The following AGXT2 variants were observed in gnomAD, a reference collection of about 807,000 sequenced individuals.
The protein encoded by AGXT2 is alanine--glyoxylate aminotransferase 2.
Under a neutral mutation model 62.5 loss-of-function variants are expected in AGXT2, and 61 were observed. The observed-to-expected ratio is 0.98, with a 90% confidence interval of 0.79 to 1.21. The LOEUF (loss-of-function observed/expected upper bound fraction) is 1.21, where lower values mean the gene tolerates loss of function less well. Among genes scored for constraint, AGXT2 ranks in the 50% most tolerant of loss-of-function variants. AGXT2 has a pLI of 0.00. For missense variants in AGXT2, 666 were observed against 641.5 expected, an observed-to-expected ratio of 1.04 and a Z score of -0.41; for synonymous variants, 243 against 218.7, an observed-to-expected ratio of 1.11 and a Z score of -0.98.
At chr5:35,047,766 G>T in intron 1 of AGXT2, 39 bp downstream of exon 1, 1 of 1,611,444 alleles carries the variant, frequency 6.2e-7, no homozygotes, top group African/African-American at 1.3e-5. Flanking sequence ...CCCTCTCGCT[G>T]ATCCTCTACT....
chr5:35,017,944 G>A (rs1178170494), intron 9 of AGXT2, among the ~76,000 whole-genome samples: 1 of 152,192 alleles, frequency 6.6e-6, no homozygotes, highest in African/African-American at 2.4e-5. Flanking sequence ...CTCCGGAGCT[G>A]ATGAGATCAA....
chr5:35,000,207 T>C (rs9292570), intron 13 of AGXT2, among the ~76,000 whole-genome samples: 69,061 of 151,484 alleles, frequency 0.46, 15,916 homozygotes, highest in East Asian at 0.59. Flanking sequence ...CCAGCCCTCA[T>C]TCTCTCTGGC....
At chr5:35,042,119 C>T (rs1174506505) in intron 1 of AGXT2, among the ~76,000 whole-genome samples, 5 of 152,064 alleles carry the variant, frequency 3.3e-5, no homozygotes, top group African/African-American at 7.3e-5. Flanking sequence ...TGGAGTTGCC[C>T]ATTGAGGAGG....
intron 11 of AGXT2, among the ~76,000 whole-genome samples, chr5:35,011,345 AG>A (rs1766629635): frequency 6.6e-6 from 1 of 152,036 alleles, no homozygotes; most frequent in Admixed American, 6.6e-5. Flanking sequence ...CTATAATCCC[AG>A]CTACTTGGGA....
Position 35,039,401 on chromosome 5 carries a change from C to A in AGXT2, c.285G>T (p.Trp95Cys), listed in dbSNP as rs758171976. Residue 95 changes from tryptophan to cysteine, a missense_variant, in exon 3 of 14, where the codon TGG (tryptophan) becomes TGT (cysteine). Physicochemically the swap from Trp to Cys is radical, Grantham distance 215. Coordinates refer to ENST00000231420, the MANE Select transcript of AGXT2 (RefSeq NM_031900.4). ...PLLLHQGHME[W>C]LFDAEGSRYL... ...ATCTGCTTCCTTCAGCATCAAAGAG[C>A]CACTCCATGTGCCCCTGGTGGAGCA... 1.2e-6 allele frequency: 2 copies of A among 1,614,158 alleles called. No individual in the cohort carries two copies. Among genetic ancestry groups the A allele is most frequent in the Non-Finnish European group, 1.7e-6 (2 of 1,179,978 alleles).
At chr5:35,038,367 G>A (rs1328302606) in intron 3 of AGXT2, among the ~76,000 whole-genome samples, 1 of 152,238 alleles carries the variant, frequency 6.6e-6, no homozygotes, top group African/African-American at 2.4e-5. Context: ...GATTCAGTGA[G>A]AATGTTTGAA....
intron 3 of AGXT2, among the ~76,000 whole-genome samples, 187 bp downstream of exon 3, chr5:35,039,137 T>C (rs1767886493): frequency 6.6e-6 from 1 of 152,120 alleles, no homozygotes; most frequent in African/African-American, 2.4e-5. Context: ...AATCTTGCAT[T>C]GTCAAGAAAG....
intron 7 of AGXT2, among the ~76,000 whole-genome samples, chr5:35,028,596 AG>A (rs775114949): frequency 0.077 from 10,166 of 131,438 alleles, 1,208 homozygotes; most frequent in African/African-American, 0.19. Flanking sequence ...AGAGAGAGAG[AG>A]AGAGAGAGAG....
At chr5:35,013,642 C>T (rs1973391) in intron 10 of AGXT2, among the ~76,000 whole-genome samples, 45,223 of 152,038 alleles carry the variant, frequency 0.3, 7,435 homozygotes, top group Non-Finnish European at 0.37. Flanking sequence ...ATTAGCTGGG[C>T]GTGGTGGTGC....
chr5:35,004,336 G>T (rs1766343817), intron 12 of AGXT2, among the ~76,000 whole-genome samples: 1 of 152,194 alleles, frequency 6.6e-6, no homozygotes. Context: ...AGCGCAGTGG[G>T]ACAGCTGAGG....
At chr5:35,047,207 A>G (rs1256214735) in intron 1 of AGXT2, among the ~76,000 whole-genome samples, 1 of 152,226 alleles carries the variant, frequency 6.6e-6, no homozygotes, top group East Asian at 1.9e-4. Context: ...GAAAGACTGA[A>G]GTGAGAGGAT....
At chr5:35,022,274 G>A (rs1249883142) in intron 9 of AGXT2, among the ~76,000 whole-genome samples, 3 of 152,018 alleles carry the variant, frequency 2.0e-5, no homozygotes, top group Non-Finnish European at 2.9e-5. Context: ...ACATGCACAC[G>A]TATGTTTATT....
chr5:35,030,500 C>T lies in AGXT2; in HGVS notation c.769+2232G>A, dbSNP rs547941352. On this transcript the variant is annotated intron_variant, in intron 7 of 13. Transcript: ENST00000231420. Reference sequence around the variant, plus strand: ...TCCAGTCTGGGGGACAAGAGTGAGACTTTGTCTCAAAAAAAAAAATACATA... The same window carrying T: ...TCCAGTCTGGGGGACAAGAGTGAGATTTTGTCTCAAAAAAAAAAATACATA... 1.8e-4 allele frequency among the ~76,000 whole-genome samples: 18 copies of T among 101,828 alleles called. No homozygotes were observed. In the East Asian group the frequency reaches 4.3e-3, roughly 24 times the overall value. The allele number at this position is 101,828 out of a possible 152,430, so 66.8% of individuals were successfully genotyped here. A position where few individuals can be genotyped will look rare whatever the true frequency, so the allele number is the denominator to read the frequency against.
At chr5:35,002,601 GCC>G (rs1766269931) in intron 13 of AGXT2, among the ~76,000 whole-genome samples, 1 of 152,204 alleles carries the variant, frequency 6.6e-6, no homozygotes, top group Non-Finnish European at 1.5e-5. Flanking sequence ...GAGCTCTCTT[GCC>G]CCTTCTGCAA....
chr5:35,042,461 C>A (rs553016384), intron 1 of AGXT2, among the ~76,000 whole-genome samples: 1 of 152,102 alleles, frequency 6.6e-6, no homozygotes, highest in South Asian at 2.1e-4. Flanking sequence ...CTGGATAATA[C>A]CTCCAAATCT....
chr5:35,006,445 C>T (rs1403830176), intron 12 of AGXT2, among the ~76,000 whole-genome samples: 1 of 152,160 alleles, frequency 6.6e-6, no homozygotes, highest in Non-Finnish European at 1.5e-5. Flanking sequence ...AGGAACCTTA[C>T]AATCATGGCA....
At chr5:35,039,260 C>T in intron 3 of AGXT2, 64 bp downstream of exon 3, 5 of 1,551,856 alleles carry the variant, frequency 3.2e-6, no homozygotes, top group Non-Finnish European at 4.4e-6. Flanking sequence ...TTCAGAGTCA[C>T]TAACATAATT....
At chr5:35,021,286 C>G (rs1012558321) in intron 9 of AGXT2, among the ~76,000 whole-genome samples, 8 of 152,104 alleles carry the variant, frequency 5.3e-5, no homozygotes, top group Non-Finnish European at 1.2e-4. Flanking sequence ...GCCAAAAGAA[C>G]AAAGCTGGAG....
At chr5:35,042,392 T>C (rs1768019837) in intron 1 of AGXT2, among the ~76,000 whole-genome samples, 1 of 151,650 alleles carries the variant, frequency 6.6e-6, no homozygotes, top group African/African-American at 2.4e-5. Flanking sequence ...AAGGAAGAAA[T>C]AGAGACAGTA....
Sources: gnomAD v4.1 joint callset for allele counts (sites outside exome capture counted in the v4.1 genomes callset) on GRCh38, gnomAD v4.1.1 for gene constraint, MANE v1.5 for transcripts, NCBI Gene and HGNC (gene_info 2026-07-23, HGNC 2026-07-21) for gene names.